MYO16: variants seen among roughly 807,000 people sequenced by gnomAD.
MYO16 encodes the protein myosin XVI, also known as unconventional myosin-XVI.
In MYO16, 94 loss-of-function variants were observed where a neutral mutation model predicts 205.3. That is an observed-to-expected ratio of 0.46 (90% CI 0.39 to 0.54). The LOEUF is 0.54. Ranked by LOEUF, MYO16 falls within the 20% of genes least tolerant of loss-of-function variation. The pLI, the probability that MYO16 is intolerant of heterozygous loss-of-function variation, is 0.00. For missense variants in MYO16, 2,315 were observed against 2,387.5 expected (o/e 0.97, Z 0.63); for synonymous variants, 988 against 954.0 (o/e 1.04, Z -0.66).
intron 1 of MYO16, among the ~76,000 whole-genome samples, chr13:108,605,515 T>C (rs1391880023): frequency 6.6e-6 from 1 of 152,294 alleles, no homozygotes; most frequent in African/African-American, 2.4e-5. Context: ...CATGCTGTTC[T>C]CATGATAGTG....
intron 4 of MYO16, among the ~76,000 whole-genome samples, chr13:108,728,646 T>C (rs1448843883): frequency 6.6e-6 from 1 of 152,216 alleles, no homozygotes; most frequent in Non-Finnish European, 1.5e-5. Context: ...GCACATGACT[T>C]TCTTCTGTGT....
At chr13:108,577,357 T>A in the MYO16 span, among the ~76,000 whole-genome samples, 1 of 152,206 alleles carries the variant, frequency 6.6e-6, no homozygotes, top group South Asian at 2.1e-4. Context: ...ATATATAGGA[T>A]GAGGATAATG....
intron 27 of MYO16, among the ~76,000 whole-genome samples, chr13:109,090,620 G>C (rs1888590446): frequency 6.6e-6 from 1 of 152,162 alleles, no homozygotes. Context: ...GGACAGCAGA[G>C]GAGACCCACA....
At chr13:108,824,221 T>TTTTAATGTATTAAACATTA (rs1876137680) in intron 9 of MYO16, among the ~76,000 whole-genome samples, 2 of 152,180 alleles carry the variant, frequency 1.3e-5, no homozygotes, top group South Asian at 4.1e-4. Context: ...TACTGAAAGA[T>TTTTAATGTATTAAACATTA]AAATTATTAA....
At chr13:108,933,756 C>A (rs909339892) in intron 16 of MYO16, among the ~76,000 whole-genome samples, 6 of 152,182 alleles carry the variant, frequency 3.9e-5, no homozygotes, top group African/African-American at 1.4e-4. Flanking sequence ...CCTATACCTT[C>A]CTCCCACCTC....
chr13:108,618,214 C>G (rs1251994065), intron 1 of MYO16, among the ~76,000 whole-genome samples: 5 of 152,218 alleles, frequency 3.3e-5, no homozygotes, highest in African/African-American at 4.8e-5. Context: ...CTGCTATCCA[C>G]TCCCCATCTG....
At chr13:108,522,772 G>GTC in the MYO16 span, among the ~76,000 whole-genome samples, 1 of 151,414 alleles carries the variant, frequency 6.6e-6, no homozygotes, top group East Asian at 1.9e-4. Flanking sequence ...GTGTTTGTGT[G>GTC]TGTGTGTGTG....
chr13:108,818,994 G>A (rs986891280), intron 7 of MYO16, among the ~76,000 whole-genome samples: 2 of 152,132 alleles, frequency 1.3e-5, no homozygotes, highest in African/African-American at 4.8e-5. Flanking sequence ...GCAGCAGAAA[G>A]CCTTGTTAGG....
intron 27 of MYO16, among the ~76,000 whole-genome samples, chr13:109,071,070 C>T (rs920886237): frequency 6.6e-6 from 1 of 152,006 alleles, no homozygotes; most frequent in Non-Finnish European, 1.5e-5. Flanking sequence ...TATTATATGA[C>T]ATAAAGATGT....
chr13:109,056,374 T>C (rs1403876714), intron 27 of MYO16, among the ~76,000 whole-genome samples: 1 of 152,178 alleles, frequency 6.6e-6, no homozygotes, highest in East Asian at 1.9e-4. Context: ...AGGCTACATA[T>C]TTGTTCATTT....
intron 23 of MYO16, among the ~76,000 whole-genome samples, chr13:109,031,002 T>G (rs2139555693): frequency 6.6e-6 from 1 of 152,304 alleles, no homozygotes; most frequent in African/African-American, 2.4e-5. Context: ...ACCCTCCTTG[T>G]TCTCTGGACT....
At chr13:109,106,346 T>A (rs146361512) in intron 28 of MYO16, among the ~76,000 whole-genome samples, 3 of 152,372 alleles carry the variant, frequency 2.0e-5, no homozygotes, top group African/African-American at 7.2e-5. Context: ...TTCAGTGCTA[T>A]CTTAAGGTAA....
At chr13:109,035,626 G>T (rs953918264) in intron 23 of MYO16, among the ~76,000 whole-genome samples, 2 of 152,220 alleles carry the variant, frequency 1.3e-5, no homozygotes, top group Non-Finnish European at 2.9e-5. Flanking sequence ...AGAGGTTGCA[G>T]TGAGCAGAGA....
intron 31 of MYO16, among the ~76,000 whole-genome samples, chr13:109,135,397 C>T (rs181867813): frequency 1.3e-5 from 2 of 152,278 alleles, no homozygotes; most frequent in Admixed American, 6.5e-5. Flanking sequence ...TCTTGGTTCC[C>T]CACTTTTTGA....
Position 109,207,019 on chromosome 13 carries a change from TGTGG to T in MYO16, c.*186_*189del, listed in dbSNP as rs1880629573. On this transcript the variant is annotated 3_prime_UTR_variant, in exon 35 of 35. Coordinates refer to ENST00000457511, the MANE Select transcript of MYO16 (RefSeq NM_001198950.3). ...GTGTGTGTGTGTTTGTGTGTGTGTG[TGTGG>T]GTTCTTTCTTATCCATCTCGTGGTG... 1 of 580,286 alleles carries T rather than the reference TGTGG, an allele frequency of 1.7e-6. No individual in the cohort carries two copies. Among genetic ancestry groups the T allele is most frequent in the African/African-American group, 1.9e-5 (1 of 53,326 alleles). 35.9% of individuals were successfully genotyped at this position (580,286 alleles called of 1,614,324 possible). A position where few individuals can be genotyped will look rare whatever the true frequency, so the allele number is the denominator to read the frequency against.
intron 16 of MYO16, among the ~76,000 whole-genome samples, chr13:108,943,149 A>G (rs557887717): frequency 5.1e-4 from 77 of 152,324 alleles, no homozygotes; most frequent in African/African-American, 1.8e-3. Flanking sequence ...GGTATGAAAC[A>G]TTTCTGGAAG....
intron 4 of MYO16, among the ~76,000 whole-genome samples, chr13:108,780,389 C>G (rs1337930): frequency 6.7e-6 from 1 of 148,960 alleles, no homozygotes. Context: ...CAGTGACCGA[C>G]TCATTCATTA....
chr13:108,585,040 C>A, the MYO16 span, among the ~76,000 whole-genome samples: 1 of 152,108 alleles, frequency 6.6e-6, no homozygotes, highest in Non-Finnish European at 1.5e-5. Flanking sequence ...AATAGTGAAT[C>A]ATTGGGAAGA....
chr13:108,924,855 C>G (rs892151032), intron 16 of MYO16, among the ~76,000 whole-genome samples: 1 of 152,108 alleles, frequency 6.6e-6, no homozygotes, highest in African/African-American at 2.4e-5. Context: ...TTCAGTTTAA[C>G]CTTTTCACGT....
Sources: gnomAD v4.1 joint callset for allele counts (sites outside exome capture counted in the v4.1 genomes callset) on GRCh38, gnomAD v4.1.1 for gene constraint, MANE v1.5 for transcripts, NCBI Gene and HGNC (gene_info 2026-07-23, HGNC 2026-07-21) for gene names.